UTP4: variants seen among roughly 807,000 people sequenced by gnomAD.
The protein encoded by UTP4 is U3 small nucleolar RNA-associated protein 4 homolog.
Under a neutral mutation model 82.4 loss-of-function variants are expected in UTP4, and 45 were observed. The observed-to-expected ratio is 0.55, with a 90% CI of 0.43 to 0.70. The LOEUF is 0.70. Ranked by LOEUF, UTP4 falls within the 30% of genes least tolerant of loss-of-function variation. UTP4 has a pLI of 0.00. For synonymous variants in UTP4, 348 were observed against 300.3 expected, an observed-to-expected ratio of 1.16 and a Z score of -1.64; for missense variants, 819 against 858.3, an observed-to-expected ratio of 0.95 and a Z score of 0.57.
At chr16:69,138,846 C>A (rs1390139856) in intron 4 of UTP4, among the ~76,000 whole-genome samples, 1 of 152,096 alleles carries the variant, frequency 6.6e-6, no homozygotes, top group Non-Finnish European at 1.5e-5. Flanking sequence ...GGCCTGTGGG[C>A]CACAGTTTGG....
At position 69,150,518 on chromosome 16, in the gene UTP4, T is replaced by A; in HGVS notation, c.739-19T>A. 1 of 1,614,136 alleles carries A rather than the reference T, an allele frequency of 6.2e-7. No individual in the cohort carries two copies. The highest frequency in any genetic ancestry group is 8.5e-7 in the Non-Finnish European group (1 of 1,179,986). ...CTTGTTTTGCTTACGTGTACCTCCC[T>A]CATGATTTAATTCCTCAGCAAGAAG... On this transcript the variant is annotated intron_variant, in intron 6 of 16. Transcript: ENST00000314423.
intron 11 of UTP4, among the ~76,000 whole-genome samples, chr16:69,156,514 A>C (rs1220369507): frequency 4.7e-5 from 7 of 149,176 alleles, no homozygotes; most frequent in Non-Finnish European, 8.9e-5. Flanking sequence ...GCTGGAGTGC[A>C]ATGGCACCAC....
At chr16:69,163,890 T>G (rs867103192) in intron 14 of UTP4, among the ~76,000 whole-genome samples, 20 of 118,120 alleles carry the variant, frequency 1.7e-4, no homozygotes, top group Non-Finnish European at 2.9e-4. Context: ...GTTTGTTTTT[T>G]TTTTTTTTTT....
chr16:69,133,416 C>T (rs747814144), intron 1 of UTP4, 42 bp from the exon 2 acceptor site: 84 of 1,570,550 alleles, frequency 5.3e-5, no homozygotes, highest in Non-Finnish European at 7.0e-5. Context: ...TGACATACTG[C>T]AGTTAACATA....
intron 13 of UTP4, 73 bp from the exon 14 acceptor site, chr16:69,163,010 C>A: frequency 8.5e-7 from 1 of 1,181,868 alleles, no homozygotes; most frequent in Non-Finnish European, 1.3e-6. Flanking sequence ...AAACCCCTGA[C>A]CTAGACCATT....
intron 2 of UTP4, among the ~76,000 whole-genome samples, chr16:69,135,569 A>G (rs1356413736): frequency 6.6e-6 from 1 of 152,138 alleles, no homozygotes; most frequent in African/African-American, 2.4e-5. Context: ...TAAATAAATT[A>G]GATAGGTGTG....
At chr16:69,134,372 T>C (rs942916878) in intron 2 of UTP4, among the ~76,000 whole-genome samples, 1 of 151,988 alleles carries the variant, frequency 6.6e-6, no homozygotes, top group Non-Finnish European at 1.5e-5. Flanking sequence ...CTAAGACAAA[T>C]GTCAGAGGCC....
chr16:69,162,890 C>CAA (rs1012200238), intron 13 of UTP4, among the ~76,000 whole-genome samples, 193 bp from the exon 14 acceptor site: 16 of 100,988 alleles, frequency 1.6e-4, no homozygotes, highest in African/African-American at 3.4e-4. Flanking sequence ...AACTCCATCT[C>CAA]AAAAAAAAAA....
Position 69,139,907 on chromosome 16 carries a change from C to G in UTP4, c.519C>G (p.Val173=). ...TAGACTACATTAGTGTGTTTGATGT[C>G]AAATCAGGTGATTGTTTTTTTCAGT... ...GSIDYISVFD[V]KSGSAVHKMI... is the part of the protein sequence containing the mutation. Residue 173 remains valine (V), a synonymous_variant, in exon 5 of 17, where the codon GTC becomes GTG. Transcript: ENST00000314423. 6.2e-7 allele frequency: 1 copy of G among 1,609,308 alleles called. No individual in the cohort carries two copies. The highest frequency in any genetic ancestry group is 8.5e-7 in the Non-Finnish European group (1 of 1,175,674).
intron 5 of UTP4, among the ~76,000 whole-genome samples, chr16:69,140,780 T>C (rs1022197319): frequency 6.6e-6 from 1 of 152,194 alleles, no homozygotes; most frequent in African/African-American, 2.4e-5. Context: ...ATTCTTTTGG[T>C]ATCTATCACT....
intron 12 of UTP4, among the ~76,000 whole-genome samples, chr16:69,159,774 G>A (rs1273461624): frequency 1.3e-5 from 2 of 152,070 alleles, no homozygotes; most frequent in East Asian, 3.9e-4. Context: ...GATCATCTGA[G>A]GTCAGGAGTT....
chr16:69,142,875 C>A (rs1039582121), intron 5 of UTP4, among the ~76,000 whole-genome samples: 3 of 152,296 alleles, frequency 2.0e-5, no homozygotes, highest in African/African-American at 7.2e-5. Context: ...TCCCTTGCAC[C>A]TTCTATCCCT....
chr16:69,143,418 G>A, intron 6 of UTP4, 29 bp downstream of exon 6: 1 of 1,594,932 alleles, frequency 6.3e-7, no homozygotes, highest in Non-Finnish European at 8.6e-7. Flanking sequence ...TAGAGTGGTT[G>A]ATGTACACCC....
At position 69,167,053 on chromosome 16, in the gene UTP4, C is replaced by T. The variant is rs774104956; in HGVS notation, c.1834-22C>T. The T allele has an allele frequency of 7.2e-6, 11 of 1,531,518 alleles. No individual in the cohort carries two copies. In the East Asian group the frequency reaches 2.5e-4, roughly 34 times the overall value. 94.9% of individuals were successfully genotyped at this position (1,531,518 alleles called of 1,614,324 possible). On this transcript the variant is annotated intron_variant, in intron 15 of 16. Transcript: ENST00000314423. ...AGCCCAATAAAAGTAACCATTTAAA[C>T]AATGTGTCTTTGTTTTTTTAGCCCC...
At chr16:69,166,297 T>TA (rs1303829966) in intron 15 of UTP4, 1 of 155,874 alleles carries the variant, frequency 6.4e-6, no homozygotes, top group African/African-American at 2.4e-5. Context: ...CAGATGGCTC[T>TA]AAAGGAGGTG....
rs4783700 is a variant in UTP4 at position 69,163,057 on chromosome 16, C to T, written c.1552-26C>T. 4.2e-3 allele frequency: 6,595 copies of T among 1,569,836 alleles called. 390 individuals carry two copies. The Admixed American group carries it at 0.097, about 23-fold the overall frequency. On this transcript the variant is annotated intron_variant, in intron 13 of 16. Transcript: ENST00000314423. ...GAGGAAAAGTGTCACTTAGAGTTGC[C>T]ACTTGTGTCTGTTATTTGTTCCCAG...
chr16:69,143,692 C>G (rs920317397), intron 6 of UTP4, among the ~76,000 whole-genome samples: 3 of 152,022 alleles, frequency 2.0e-5, no homozygotes, highest in Non-Finnish European at 2.9e-5. Flanking sequence ...TCTGGAGAAG[C>G]GCTATGTTTA....
Position 69,143,323 on chromosome 16 carries a change from C to T in UTP4, c.672C>T (p.Ala224=), listed in dbSNP as rs139515397. ...GGAAGGTGCAGTTCTGGGACTCAGC[C>T]ACTGGGACGCTTGTGAAGAGCCATC... The part of the protein sequence containing the change: ...SAGKVQFWDS[A]TGTLVKSHLI... The change falls in exon 6 of 17, where the codon GCC becomes GCT. Residue 224 remains alanine (A), a synonymous_variant. Coordinates refer to ENST00000314423, the MANE Select transcript of UTP4 (RefSeq NM_032830.3). 2.5e-6 allele frequency: 4 copies of T among 1,614,174 alleles called. No individual in the cohort carries two copies. Among genetic ancestry groups the T allele is most frequent in the Non-Finnish European group, 3.4e-6 (4 of 1,180,032 alleles).
At position 69,153,631 on chromosome 16, in the gene UTP4, G is replaced by C. The variant is rs184771566; in HGVS notation, c.1050G>C (p.Gln350His). 1.9e-6 allele frequency: 3 copies of C among 1,613,456 alleles called. No individual in the cohort carries two copies. In the African/African-American group the frequency reaches 4.0e-5, roughly 22 times the overall value. Residue 350 changes from glutamine to histidine, a missense_variant, in exon 9 of 17, where the codon CAG becomes CAC. By Grantham distance (24) the Gln-to-His change is conservative. Coordinates refer to ENST00000314423, the MANE Select transcript of UTP4 (RefSeq NM_032830.3). Reference sequence around the variant, plus strand: ...AAAAGAGGCAGCTTCTCCTCTTCCAGTTTGCTCATCACTTAGAACTTTGGC... The same window carrying C: ...AAAAGAGGCAGCTTCTCCTCTTCCACTTTGCTCATCACTTAGAACTTTGGC... ...CSKKRQLLLF[Q>H]FAHHLELWRL...
Sources: gnomAD v4.1 joint callset for allele counts (sites outside exome capture counted in the v4.1 genomes callset) on GRCh38, gnomAD v4.1.1 for gene constraint, MANE v1.5 for transcripts, NCBI Gene and HGNC (gene_info 2026-07-23, HGNC 2026-07-21) for gene names.